COBL: variants seen among roughly 807,000 people sequenced by gnomAD.
COBL encodes the protein cordon-bleu WH2 repeat protein, also known as protein cordon-bleu.
COBL carries 51 observed loss-of-function variants against 98.8 expected under a neutral mutation model. That is an observed-to-expected ratio of 0.52 (90% CI 0.41 to 0.65). COBL has a LOEUF of 0.65. COBL is among the 30% of genes least tolerant of loss of function. The pLI is 0.00. For synonymous variants in COBL, 634 were observed against 651.7 expected (o/e 0.97, Z 0.41); for missense variants, 1,617 against 1,617.5 (o/e 1.00, Z 0.01).
intron 2 of COBL, among the ~76,000 whole-genome samples, chr7:51,210,032 T>G (rs1354617580): frequency 1.3e-5 from 2 of 152,228 alleles, no homozygotes; most frequent in East Asian, 3.9e-4. Flanking sequence ...GTATGCAGTG[T>G]GCTCACAGAG....
Position 51,027,794 on chromosome 7 carries a change from C to A in COBL, c.3302G>T (p.Arg1101Ile), listed in dbSNP as rs138780424. Residue 1101 changes from arginine (R) to isoleucine (I), a missense_variant, in exon 10 of 13, where the codon AGA (arginine) becomes ATA (isoleucine). Transcript: ENST00000265136. ...PKKKFKPVVQ[R>I]PVPKDTSLHS... ...CAGGGATGTGTCTTTTGGGACTGGT[C>A]TCTGGACAACAGGTTTGAATTTTTT... The A allele has an allele frequency of 2.5e-5, 41 of 1,614,068 alleles. No individual in the cohort carries two copies. The highest frequency in any genetic ancestry group is 3.3e-5 in the Non-Finnish European group (39 of 1,180,050).
At chr7:51,270,817 C>A (rs1272183802) in intron 1 of COBL, among the ~76,000 whole-genome samples, 1 of 149,484 alleles carries the variant, frequency 6.7e-6, no homozygotes, top group Non-Finnish European at 1.5e-5. Context: ...TTTTATTATT[C>A]GACTTAAAAA....
At chr7:51,040,267 A>AACAC (rs557914598) in intron 8 of COBL, among the ~76,000 whole-genome samples, 2 of 150,122 alleles carry the variant, frequency 1.3e-5, no homozygotes, top group African/African-American at 4.9e-5. Context: ...TCCCCTCAAA[A>AACAC]ACACACACAC....
chr7:51,184,561 G>T (rs1584091538), intron 4 of COBL, among the ~76,000 whole-genome samples: 1 of 152,200 alleles, frequency 6.6e-6, no homozygotes, highest in African/African-American at 2.4e-5. Flanking sequence ...ACATTAAAAA[G>T]AACCAAGTAA....
chr7:51,119,261 T>G (rs1351635888), intron 6 of COBL, among the ~76,000 whole-genome samples: 7 of 152,210 alleles, frequency 4.6e-5, no homozygotes. Flanking sequence ...CATTACCATA[T>G]ATATCCTAGT....
At chr7:51,055,647 G>A (rs761036892) in intron 7 of COBL, among the ~76,000 whole-genome samples, 3 of 152,312 alleles carry the variant, frequency 2.0e-5, no homozygotes, top group Middle Eastern at 3.4e-3. Flanking sequence ...GCCCAGGGGT[G>A]CATGTTCCCA....
chr7:51,052,878 C>T (rs1790372363), intron 7 of COBL, among the ~76,000 whole-genome samples: 10 of 152,188 alleles, frequency 6.6e-5, no homozygotes, highest in Admixed American at 6.5e-4. Flanking sequence ...CTTTCCATAA[C>T]ACACTGTTCA....
intron 5 of COBL, among the ~76,000 whole-genome samples, chr7:51,159,013 C>T (rs1236613152): frequency 1.3e-5 from 2 of 152,178 alleles, no homozygotes; most frequent in African/African-American, 2.4e-5. Context: ...GTGTGTGGGA[C>T]ACCCTGTCTA....
intron 1 of COBL, among the ~76,000 whole-genome samples, chr7:51,314,021 A>C (rs1341022097): frequency 1.3e-5 from 2 of 152,240 alleles, no homozygotes; most frequent in East Asian, 1.9e-4. Context: ...ATTCCTAGTA[A>C]AAAACATACA....
chr7:51,256,847 C>T (rs944402104), intron 1 of COBL, among the ~76,000 whole-genome samples: 2 of 152,208 alleles, frequency 1.3e-5, no homozygotes, highest in African/African-American at 4.8e-5. Context: ...CCCGGATTTA[C>T]TGCTTAAAGT....
intron 1 of COBL, among the ~76,000 whole-genome samples, chr7:51,285,988 A>G (rs979207568): frequency 7.9e-5 from 12 of 152,224 alleles, no homozygotes; most frequent in Non-Finnish European, 1.2e-4. Context: ...TAAATAGACG[A>G]AAGACAGTCT....
intron 7 of COBL, 67 bp from the exon 8 acceptor site, chr7:51,043,759 T>G (rs1789431089): frequency 1.4e-6 from 2 of 1,402,424 alleles, no homozygotes; most frequent in Non-Finnish European, 2.0e-6. Flanking sequence ...CTAACAAGTG[T>G]GACATCAGTC....
At chr7:51,093,065 A>C (rs1198702376) in intron 6 of COBL, among the ~76,000 whole-genome samples, 1 of 152,210 alleles carries the variant, frequency 6.6e-6, no homozygotes, top group Non-Finnish European at 1.5e-5. Flanking sequence ...CACAGCAAAG[A>C]AAACAATGAA....
At chr7:51,025,051 T>C in intron 12 of COBL, 58 bp downstream of exon 12, 1 of 1,608,450 alleles carries the variant, frequency 6.2e-7, no homozygotes, top group South Asian at 1.1e-5. Flanking sequence ...TCCCTGGATC[T>C]ACGCTGCACC....
At position 51,316,613 on chromosome 7, in the gene COBL, C is replaced by G. The variant is rs1803634891; in HGVS notation, c.21G>C (p.Ser7=). ...CTTACCCGGTCGGGGGCTTGGCCGC[C>G]GAGGCGCGCGGCGCGTCCATGGTGC... is the stretch of plus-strand genomic sequence containing the variant. The part of the protein sequence containing the change: MDAPRA[S]AAKPPTGRKM... Residue 7 remains serine, a synonymous_variant, in exon 1 of 13, where the codon TCG becomes TCC. Coordinates refer to ENST00000265136, the MANE Select transcript of COBL (RefSeq NM_015198.5). 8.3e-7 allele frequency: 1 copy of G among 1,203,326 alleles called. No individual in the cohort carries two copies. The allele number at this position is 1,203,326 out of a possible 1,614,324, so 74.5% of individuals were successfully genotyped here.
At chr7:51,151,755 A>G (rs147563180) in intron 5 of COBL, among the ~76,000 whole-genome samples, 3 of 152,322 alleles carry the variant, frequency 2.0e-5, no homozygotes, top group Non-Finnish European at 2.9e-5. Flanking sequence ...ACTAAAAGGA[A>G]TATTTCCCAG....
At chr7:51,172,799 C>G (rs1257425030) in intron 5 of COBL, among the ~76,000 whole-genome samples, 1 of 150,694 alleles carries the variant, frequency 6.6e-6, no homozygotes. Flanking sequence ...TCTCTCTTTC[C>G]TTTTTTTTTG....
chr7:51,293,828 T>G (rs1232088939), intron 1 of COBL, among the ~76,000 whole-genome samples: 1 of 152,130 alleles, frequency 6.6e-6, no homozygotes, highest in Admixed American at 6.5e-5. Context: ...TGCTGGATCA[T>G]GCATAGTGTT....
At chr7:51,268,130 C>T (rs943803382) in intron 1 of COBL, among the ~76,000 whole-genome samples, 23 of 152,238 alleles carry the variant, frequency 1.5e-4, no homozygotes, top group African/African-American at 5.5e-4. Context: ...TTCCACGTGC[C>T]GTCTGGGGCA....
Sources: allele counts gnomAD v4.1 joint callset (sites outside exome capture counted in the v4.1 genomes callset), GRCh38; gene constraint gnomAD v4.1.1; transcripts MANE v1.5; gene names NCBI Gene and HGNC (gene_info 2026-07-23, HGNC 2026-07-21).